Variants in ADGRB3 observed in about 807,000 individuals in gnomAD.
ADGRB3 encodes brain-specific angiogenesis inhibitor 3.
ADGRB3 carries 37 observed loss-of-function variants against 193.4 expected under a neutral mutation model. The observed-to-expected ratio is 0.19, with a 90% CI of 0.15 to 0.25. ADGRB3 has a LOEUF of 0.25. ADGRB3 is among the 10% of genes least tolerant of loss of function. The pLI is 1.00. For synonymous variants in ADGRB3, 690 were observed against 644.2 expected, an observed-to-expected ratio of 1.07 and a Z score of -1.08; for missense variants, 1,637 against 1,852.9, an observed-to-expected ratio of 0.88 and a Z score of 2.14.
chr6:68,663,558 G>A (rs1306430853), intron 3 of ADGRB3, among the ~76,000 whole-genome samples: 1 of 151,722 alleles, frequency 6.6e-6, no homozygotes, highest in East Asian at 1.9e-4. Flanking sequence ...TTTGCCCATA[G>A]AAGGCAATGC....
chr6:69,118,595 G>A (rs2150328603), intron 17 of ADGRB3, among the ~76,000 whole-genome samples: 1 of 151,966 alleles, frequency 6.6e-6, no homozygotes, highest in East Asian at 1.9e-4. Context: ...AAGGGTCTCT[G>A]GGACATATCA....
At chr6:68,975,139 AG>A in intron 9 of ADGRB3, 94 bp from the exon 10 acceptor site, 1 of 1,000,690 alleles carries the variant, frequency 1.0e-6, no homozygotes. Flanking sequence ...AAAGAAAAAA[AG>A]TACAAACTTA....
intron 3 of ADGRB3, among the ~76,000 whole-genome samples, chr6:68,739,988 T>A (rs11961167): frequency 0.037 from 5,317 of 144,194 alleles, 288 homozygotes; most frequent in African/African-American, 0.13. Flanking sequence ...ACAACATTAA[T>A]AACAGGTACA....
At chr6:68,823,054 G>C (rs1391539138) in intron 3 of ADGRB3, among the ~76,000 whole-genome samples, 1 of 151,910 alleles carries the variant, frequency 6.6e-6, no homozygotes, top group Non-Finnish European at 1.5e-5. Flanking sequence ...CATCTACACA[G>C]GAAAGGAAGG....
chr6:69,021,540 T>A (rs984987934), intron 13 of ADGRB3, among the ~76,000 whole-genome samples: 8 of 151,898 alleles, frequency 5.3e-5, no homozygotes, highest in African/African-American at 1.9e-4. Flanking sequence ...ATAGAATAGA[T>A]GAAATGCTGG....
chr6:68,796,245 T>C (rs1767205456), intron 3 of ADGRB3, among the ~76,000 whole-genome samples: 1 of 152,124 alleles, frequency 6.6e-6, no homozygotes, highest in Admixed American at 6.6e-5. Context: ...TATTCCATTC[T>C]GTGTTTTACC....
intron 3 of ADGRB3, among the ~76,000 whole-genome samples, chr6:68,676,703 C>A (rs568463112): frequency 2.0e-5 from 3 of 151,994 alleles, no homozygotes; most frequent in Non-Finnish European, 4.4e-5. Context: ...ATTTTATGTC[C>A]TTCATAGCTC....
chr6:69,116,513 G>T (rs1773537181), intron 17 of ADGRB3, among the ~76,000 whole-genome samples: 1 of 152,154 alleles, frequency 6.6e-6, no homozygotes, highest in Non-Finnish European at 1.5e-5. Context: ...ATTTAAAGTT[G>T]TGTGAAATAA....
chr6:69,323,579 T>A (rs182434099), intron 20 of ADGRB3, among the ~76,000 whole-genome samples: 2 of 152,148 alleles, frequency 1.3e-5, no homozygotes, highest in African/African-American at 4.8e-5. Context: ...AAGATTCACA[T>A]GCTGAAAAAT....
At chr6:69,306,225 A>G (rs1187710984) in intron 20 of ADGRB3, among the ~76,000 whole-genome samples, 3 of 151,498 alleles carry the variant, frequency 2.0e-5, no homozygotes, top group African/African-American at 7.3e-5. Flanking sequence ...GAACATGTCA[A>G]CAAATAACGC....
rs549809246 is a variant in ADGRB3, at chr6:68,737,824, G to A, written c.757+98392G>A. ...AAATATTTACTGAATTCTTCCTACC[G>A]GGCAGGTACTACTTCAGGGCCTAAG... On this transcript the variant is annotated intron_variant, in intron 3 of 31. Coordinates refer to ENST00000370598, the MANE Select transcript of ADGRB3 (RefSeq NM_001704.3). Among the ~76,000 whole-genome samples, 15 of 152,140 alleles carry A rather than the reference G, an allele frequency of 9.9e-5. No individual in the cohort carries two copies. In the East Asian group the frequency reaches 1.7e-3, roughly 18 times the overall value.
intron 3 of ADGRB3, among the ~76,000 whole-genome samples, chr6:68,883,863 A>C (rs1765816259): frequency 6.6e-6 from 1 of 152,248 alleles, no homozygotes. Flanking sequence ...TACTGAGGCA[A>C]GATAGTTACA....
intron 6 of ADGRB3, among the ~76,000 whole-genome samples, chr6:68,947,058 G>A (rs1932614): frequency 0.29 from 44,466 of 151,822 alleles, 6,767 homozygotes; most frequent in South Asian, 0.39. Flanking sequence ...AGTGTGAGTT[G>A]TTAGTTACTA....
At chr6:68,885,736 A>G (rs991984077) in intron 3 of ADGRB3, among the ~76,000 whole-genome samples, 8 of 152,166 alleles carry the variant, frequency 5.3e-5, no homozygotes, top group South Asian at 4.1e-4. Context: ...CAGAAATTGT[A>G]CTACACTTTG....
intron 13 of ADGRB3, among the ~76,000 whole-genome samples, chr6:69,042,599 C>T (rs1385816913): frequency 6.6e-6 from 1 of 152,182 alleles, no homozygotes; most frequent in Non-Finnish European, 1.5e-5. Context: ...TATGGATACA[C>T]TAACAAAACA....
chr6:69,095,236 AT>A (rs1315354886), intron 17 of ADGRB3, among the ~76,000 whole-genome samples: 1 of 152,208 alleles, frequency 6.6e-6, no homozygotes, highest in Non-Finnish European at 1.5e-5. Context: ...AAAGCAGCAG[AT>A]TTACTGAATT....
chr6:69,071,004 C>T (rs752495288), intron 16 of ADGRB3, among the ~76,000 whole-genome samples: 2 of 152,176 alleles, frequency 1.3e-5, no homozygotes, highest in South Asian at 2.1e-4. Context: ...TGTACCTAGT[C>T]GTACCTCTCT....
intron 17 of ADGRB3, among the ~76,000 whole-genome samples, chr6:69,103,086 A>C (rs1773110024): frequency 6.6e-6 from 1 of 152,280 alleles, no homozygotes; most frequent in South Asian, 2.1e-4. Flanking sequence ...AAAGTTTCAA[A>C]GTGTTCAAAT....
chr6:68,994,001 G>T, intron 11 of ADGRB3, 39 bp downstream of exon 11: 1 of 1,592,694 alleles, frequency 6.3e-7, no homozygotes, highest in Non-Finnish European at 8.6e-7. Context: ...GGCTAGTGAA[G>T]ATGCAATCAG....
Sources: gnomAD v4.1 joint callset for allele counts (sites outside exome capture counted in the v4.1 genomes callset) on GRCh38, gnomAD v4.1.1 for gene constraint, MANE v1.5 for transcripts, NCBI Gene and HGNC (gene_info 2026-07-23, HGNC 2026-07-21) for gene names.